The following ZBTB32 variants were observed in gnomAD, a reference collection of about 807,000 sequenced individuals.
The protein encoded by ZBTB32 is zinc finger and BTB domain-containing protein 32.
In ZBTB32, 28 loss-of-function variants were observed where a neutral mutation model predicts 45.3. The ratio of observed to expected loss-of-function variants is 0.62; its 90% confidence interval spans 0.46 to 0.85. The LOEUF is 0.85. Among genes scored for constraint, ZBTB32 ranks in the 40% least tolerant of loss-of-function variants. The pLI is 0.00. For synonymous variants in ZBTB32, 283 were observed against 255.7 expected (o/e 1.11, Z -1.02); for missense variants, 587 against 624.4 (o/e 0.94, Z 0.64).
Position 35,715,479 on chromosome 19 carries a change from G to A in ZBTB32, c.853G>A (p.Ala285Thr). Residue 285 changes from alanine (A) to threonine (T), a missense_variant, in exon 3 of 7, where the codon GCC (alanine) becomes ACC (threonine). Physicochemically the swap from Ala to Thr is moderately conservative, Grantham distance 58 (BLOSUM62 0). Transcript: ENST00000392197. ...PFYHSTPTTG[A>T]WQEVWREQRI... ...CTACCATAGCACCCCCACCACTGGA[G>A]CCTGGCAGGAGGTCTGGCGGGAACA... 1 of 1,555,646 alleles carries A rather than the reference G, an allele frequency of 6.4e-7. No homozygotes were observed. The highest frequency in any genetic ancestry group is 8.7e-7 in the Non-Finnish European group (1 of 1,152,688).
intron 1 of ZBTB32, 110 bp downstream of exon 1, chr19:35,704,733 T>G (rs1772101433): frequency 1.3e-5 from 2 of 152,238 alleles, no homozygotes. Context: ...GAAGTGCGGG[T>G]TGAGGGCTTT....
At position 35,714,671 on chromosome 19, in the gene ZBTB32, T is replaced by C. The variant is rs962314631; in HGVS notation, c.45T>C (p.Asp15=). The C allele has an allele frequency of 6.3e-7, 1 of 1,595,460 alleles. No individual in the cohort carries two copies. Among genetic ancestry groups the C allele is most frequent in the African/African-American group, 1.3e-5 (1 of 74,600 alleles). ...GACTGCCCAGCCCCTATGGCTCTGATCGGCTGGTACAGCTAGCAGCCAGGC... is the reference window on the plus strand; with the variant it reads ...GACTGCCCAGCCCCTATGGCTCTGACCGGCTGGTACAGCTAGCAGCCAGGC... ...PIRLPSPYGS[D]RLVQLAARLR... is the part of the protein sequence containing the mutation. The change falls in exon 3 of 7, where the codon GAT becomes GAC. Residue 15 remains aspartate, a synonymous_variant. Transcript: ENST00000392197.
chr19:35,714,963 C>G lies in ZBTB32; in HGVS notation c.337C>G (p.Arg113Gly), dbSNP rs759629497. Residue 113 changes from arginine (R) to glycine (G), a missense_variant, in exon 3 of 7, where the codon CGA becomes GGA. Coordinates refer to ENST00000392197, the MANE Select transcript of ZBTB32 (RefSeq NM_014383.3). ...CCTGGAAGAGGCATGCTGGAGGGCT[C>G]GAGGGGACAGGGCTAAAAAGCCAGA... Reference protein sequence around the residue: ...QSLEEACWRARGDRAKKPDPG... With the variant: ...QSLEEACWRAGGDRAKKPDPG... 3 of 1,591,830 alleles carry G rather than the reference C, an allele frequency of 1.9e-6. No individual in the cohort carries two copies. In the East Asian group the frequency reaches 6.7e-5, roughly 36 times the overall value.
chr19:35,714,206 C>T (rs1010247197), intron 2 of ZBTB32: 3 of 156,696 alleles, frequency 1.9e-5, no homozygotes, highest in South Asian at 2.0e-4. Context: ...GCCTGGCTTG[C>T]GCAGAGGTGT....
At chr19:35,715,691 C>G in intron 3 of ZBTB32, 66 bp from the exon 4 acceptor site, 2 of 1,530,488 alleles carry the variant, frequency 1.3e-6, no homozygotes, top group Non-Finnish European at 8.8e-7. Context: ...GGGATACCCC[C>G]TCTTCACGAA....
intron 1 of ZBTB32, among the ~76,000 whole-genome samples, chr19:35,711,370 C>T (rs1456513726): frequency 2.0e-5 from 3 of 152,144 alleles, no homozygotes; most frequent in Non-Finnish European, 4.4e-5. Flanking sequence ...GGGACTGATG[C>T]TTTATGTGTC....
intron 1 of ZBTB32, among the ~76,000 whole-genome samples, chr19:35,706,488 G>A (rs552207825): frequency 2.6e-5 from 4 of 152,048 alleles, no homozygotes; most frequent in South Asian, 2.1e-4. Context: ...TTGGGAGGCC[G>A]AGGCAGGTGG....
intron 2 of ZBTB32, among the ~76,000 whole-genome samples, chr19:35,713,807 C>T (rs922161351): frequency 2.0e-5 from 3 of 152,232 alleles, no homozygotes; most frequent in African/African-American, 7.2e-5. Context: ...GAGGAAACAG[C>T]CTCCCTGTCT....
At position 35,716,942 on chromosome 19, in the gene ZBTB32, G is replaced by A. The variant is rs1451643469; in HGVS notation, c.*190G>A. 3.2e-6 allele frequency: 2 copies of A among 633,474 alleles called. No homozygotes were observed. The highest frequency in any genetic ancestry group is 2.7e-6 in the Non-Finnish European group (1 of 366,714). 39.2% of individuals were successfully genotyped at this position (633,474 alleles called of 1,614,324 possible). A position where few individuals can be genotyped will look rare whatever the true frequency, so the allele number is the denominator to read the frequency against. ...GAAGCCCAGGCCAGCGAGCCCTACA[G>A]AGTGAGGACACTGAAGTGTGCAGGA... On this transcript the variant is annotated 3_prime_UTR_variant, in exon 7 of 7. Transcript: ENST00000392197.
chr19:35,712,205 T>C (rs1968721269), intron 1 of ZBTB32, among the ~76,000 whole-genome samples: 1 of 151,906 alleles, frequency 6.6e-6, no homozygotes, highest in Non-Finnish European at 1.5e-5. Context: ...CTCACGCCTA[T>C]AATCCCAGCA....
intron 1 of ZBTB32, among the ~76,000 whole-genome samples, chr19:35,707,106 G>T (rs927126156): frequency 1.3e-5 from 2 of 151,460 alleles, no homozygotes; most frequent in African/African-American, 4.9e-5. Flanking sequence ...GAGATAGGGG[G>T]ATGACTTGAG....
rs267605435 is a variant in ZBTB32 at position 35,716,601 on chromosome 19, C to T, written c.1313C>T (p.Pro438Leu). Residue 438 changes from proline (P) to leucine (L), a missense_variant, in exon 7 of 7, where the codon CCC (proline) becomes CTC (leucine). Transcript: ENST00000392197. ...TGCTCCCTGTGCGGGGCCGGCTGTC[C>T]CAGCCTGGCCTCCATGCAGGCGCAC... ...YRCSLCGAGC[P>L]SLASMQAHMR... The T allele has an allele frequency of 6.2e-7, 1 of 1,613,312 alleles. No homozygotes were observed. Among genetic ancestry groups the T allele is most frequent in the Non-Finnish European group, 8.5e-7 (1 of 1,179,936 alleles).
At position 35,709,510 on chromosome 19, in the gene ZBTB32, C is replaced by T. The variant is rs548100179; in HGVS notation, c.-221-3407C>T. Among the ~76,000 whole-genome samples the T allele has an allele frequency of 3.3e-5, 5 of 152,262 alleles. No homozygotes were observed. The South Asian group carries it at 8.3e-4, about 25-fold the overall frequency. On this transcript the variant is annotated intron_variant, in intron 1 of 6. Coordinates refer to ENST00000392197, the MANE Select transcript of ZBTB32 (RefSeq NM_014383.3). ...TTTCTGGGAAGCTTTGACTTTGCAGCCAGGGTGTGCCCCGAGCCCCTTGCA... is the reference window on the plus strand; with the variant it reads ...TTTCTGGGAAGCTTTGACTTTGCAGTCAGGGTGTGCCCCGAGCCCCTTGCA...
chr19:35,716,365 T>C (rs2146421780), intron 6 of ZBTB32, 68 bp downstream of exon 6: 3 of 1,598,408 alleles, frequency 1.9e-6, no homozygotes, highest in South Asian at 2.2e-5. Context: ...TCTCCACCTG[T>C]GTGCCCGGTT....
chr19:35,715,903 C>A (rs907403849), intron 4 of ZBTB32, 36 bp from the exon 5 acceptor site: 1 of 1,611,196 alleles, frequency 6.2e-7, no homozygotes, highest in Middle Eastern at 1.7e-4. Context: ...GGAGTCCAGC[C>A]TGAGCAGGGC....
chr19:35,710,230 T>A (rs1398072394), intron 1 of ZBTB32, among the ~76,000 whole-genome samples: 1 of 151,524 alleles, frequency 6.6e-6, no homozygotes. Flanking sequence ...AAGAAAGTAA[T>A]ATAAGTATTA....
At chr19:35,716,343 T>A in intron 6 of ZBTB32, 46 bp downstream of exon 6, 1 of 1,609,272 alleles carries the variant, frequency 6.2e-7, no homozygotes, top group South Asian at 1.1e-5. Flanking sequence ...TCTTCCCAAC[T>A]CCGCTCCTGA....
chr19:35,715,911 G>A, intron 4 of ZBTB32, 28 bp from the exon 5 acceptor site: 16 of 1,611,930 alleles, frequency 9.9e-6, no homozygotes, highest in Non-Finnish European at 1.4e-5. Context: ...GCCTGAGCAG[G>A]GCCCCTACCT....
In ZBTB32 at chr19:35,714,825, A is replaced by G. The variant is rs1663973286; in HGVS notation, c.199A>G (p.Ser67Gly). 1.2e-6 allele frequency: 2 copies of G among 1,613,618 alleles called. No homozygotes were observed. Among genetic ancestry groups the G allele is most frequent in the Non-Finnish European group, 1.7e-6 (2 of 1,179,724 alleles). ...CCAGTGGGCTCTGGGAGAAGGCATC[A>G]GCCCTTCTACCTTTGCCCAGCTCCT... ...RGQWALGEGI[S>G]PSTFAQLLNF... Residue 67 changes from serine to glycine, a missense_variant, in exon 3 of 7, where the codon AGC becomes GGC. Physicochemically the swap from Ser to Gly is moderately conservative, Grantham distance 56. Coordinates refer to ENST00000392197, the MANE Select transcript of ZBTB32 (RefSeq NM_014383.3).
Sources: allele counts gnomAD v4.1 joint callset (sites outside exome capture counted in the v4.1 genomes callset), GRCh38; gene constraint gnomAD v4.1.1; transcripts MANE v1.5; gene names NCBI Gene and HGNC (gene_info 2026-07-23, HGNC 2026-07-21).